The following GNG7 variants were observed in gnomAD, a reference collection of about 807,000 sequenced individuals.
GNG7 encodes G protein subunit gamma 7.
Under a neutral mutation model 4.0 loss-of-function variants are expected in GNG7, and 1 was observed. The ratio of observed to expected loss-of-function variants is 0.25; its 90% CI spans 0.09 to 1.18. GNG7 has a LOEUF of 1.18. GNG7 is among the 50% of genes most tolerant of loss of function. The probability of loss-of-function intolerance (pLI) is 0.50; values close to 1 mark genes in which losing one functional copy is unlikely to be tolerated. For synonymous variants in GNG7, 34 were observed against 36.9 expected (o/e 0.92, Z 0.29); for missense variants, 86 against 91.9 (o/e 0.94, Z 0.26).
intron 2 of GNG7, among the ~76,000 whole-genome samples, chr19:2,579,831 G>A (rs975394667): frequency 3.9e-5 from 6 of 152,194 alleles, no homozygotes; most frequent in Admixed American, 2.6e-4. Flanking sequence ...TGGGGGACTG[G>A]GAGGGGGTCT....
intron 2 of GNG7, among the ~76,000 whole-genome samples, chr19:2,577,254 C>A (rs966255927): frequency 8.5e-5 from 13 of 152,190 alleles, no homozygotes; most frequent in Admixed American, 8.5e-4. Flanking sequence ...AGGGTACCCC[C>A]AGGGCTGCAG....
Position 2,634,249 on chromosome 19 carries a change from C to T in GNG7, c.-78+11975G>A, listed in dbSNP as rs1034150685. Among the ~76,000 whole-genome samples, 2 of 152,028 alleles carry T rather than the reference C, an allele frequency of 1.3e-5. No individual in the cohort carries two copies. Among genetic ancestry groups the T allele is most frequent in the African/African-American group, 2.4e-5 (1 of 41,386 alleles). On this transcript the variant is annotated intron_variant, in intron 2 of 4. Transcript: ENST00000382159. The surrounding 1 kb of genome is among the most constrained non-coding windows in gnomAD (Gnocchi z 5.3). ...CTCAGCACTGTGGACATTTGAGGCC[C>T]GATTGTTCTCTGGGGTGGGGCCGTC... is the stretch of plus-strand genomic sequence containing the variant.
At position 2,653,924 on chromosome 19, in the gene GNG7, G is replaced by GCT. The variant is rs373142423; in HGVS notation, c.-134-7646_-134-7645dup. On this transcript the variant is annotated intron_variant, in intron 1 of 4. Transcript: ENST00000382159. The surrounding 1 kb of genome is among the most constrained non-coding windows in gnomAD (Gnocchi z 4.8). ...CATCCCCAACAGAGGCGAGGGGACA[G>GCT]CTCTCGCCTGCCTCGGCGAGCCCGG... Among the ~76,000 whole-genome samples, 211 of 152,334 alleles carry GCT rather than the reference G, an allele frequency of 1.4e-3. No individual in the cohort carries two copies. The highest frequency in any genetic ancestry group is 4.8e-3 in the African/African-American group (198 of 41,584).
At chr19:2,582,641 G>T (rs1273275145) in intron 2 of GNG7, among the ~76,000 whole-genome samples, 1 of 147,816 alleles carries the variant, frequency 6.8e-6, no homozygotes, top group African/African-American at 2.5e-5. Context: ...TGCCACCATG[G>T]CTGGCTAATT....
chr19:2,667,942 C>A (rs78068210), intron 1 of GNG7, among the ~76,000 whole-genome samples: 2 of 142,936 alleles, frequency 1.4e-5, no homozygotes, highest in Non-Finnish European at 3.1e-5. Flanking sequence ...ACAACAACAA[C>A]AAAAAAGAAA....
At chr19:2,660,400 G>A (rs929424322) in intron 1 of GNG7, among the ~76,000 whole-genome samples, 1 of 152,136 alleles carries the variant, frequency 6.6e-6, no homozygotes, top group Non-Finnish European at 1.5e-5. Context: ...CAAAACCACA[G>A]GGAAGGGAGA....
chr19:2,561,806 G>C (rs1440593263), intron 2 of GNG7, among the ~76,000 whole-genome samples: 1 of 151,944 alleles, frequency 6.6e-6, no homozygotes, highest in East Asian at 1.9e-4. Context: ...GCTTGAACCT[G>C]GGAGGCAGAG....
intron 2 of GNG7, chr19:2,610,440 T>G (rs1167173859): frequency 6.6e-6 from 1 of 152,026 alleles, no homozygotes; most frequent in Non-Finnish European, 1.5e-5. Flanking sequence ...CTCTGCCTCC[T>G]GGGTTCAAGC....
intron 3 of GNG7, among the ~76,000 whole-genome samples, chr19:2,535,557 A>C (rs1187648711): frequency 6.6e-6 from 1 of 152,036 alleles, no homozygotes; most frequent in African/African-American, 2.4e-5. Flanking sequence ...TAAATGTTCA[A>C]GAGACATTTG....
At position 2,657,399 on chromosome 19, in the gene GNG7, T is replaced by TATATATATATATATAC. The variant is rs1332253018; in HGVS notation, c.-134-11120_-134-11119insGTATATATATATATAT. 8.7e-5 allele frequency among the ~76,000 whole-genome samples: 7 copies of TATATATATATATATAC among 80,736 alleles called. 1 individual carries two copies. Among genetic ancestry groups the TATATATATATATATAC allele is most frequent in the African/African-American group, 2.5e-4 (4 of 16,134 alleles). 53.0% of individuals were successfully genotyped at this position (80,736 alleles called of 152,430 possible). ...ATATATATATATATATATATATATA[T>TATATATATATATATAC]ACACATAATAACATTTATCCTAAAA... On this transcript the variant is annotated intron_variant, in intron 1 of 4. Transcript: ENST00000382159.
intron 2 of GNG7, among the ~76,000 whole-genome samples, chr19:2,567,143 C>CAA (rs1231987195): frequency 3.1e-5 from 4 of 130,046 alleles, no homozygotes; most frequent in African/African-American, 8.2e-5. Context: ...AAAAAAAAAA[C>CAA]AAAAAAAAAA....
intron 3 of GNG7, among the ~76,000 whole-genome samples, chr19:2,521,030 T>A (rs1178366989): frequency 6.7e-6 from 1 of 150,070 alleles, no homozygotes; most frequent in Non-Finnish European, 1.5e-5. Context: ...CTGAGGCAGG[T>A]GGATCATGAG....
chr19:2,686,774 C>CA (rs1184176104), intron 1 of GNG7, among the ~76,000 whole-genome samples: 3 of 144,980 alleles, frequency 2.1e-5, no homozygotes, highest in Non-Finnish European at 3.0e-5. Flanking sequence ...TTTTTTGAGA[C>CA]AGAGTCTCGC....
At chr19:2,678,833 C>G (rs72978792) in intron 1 of GNG7, among the ~76,000 whole-genome samples, 25,751 of 151,938 alleles carry the variant, frequency 0.17, 3,165 homozygotes, top group East Asian at 0.55. Flanking sequence ...GACCTTTGCA[C>G]CAGCCAACCC....
intron 1 of GNG7, among the ~76,000 whole-genome samples, chr19:2,692,230 T>G (rs1913150301): frequency 1.3e-5 from 2 of 151,720 alleles, no homozygotes; most frequent in South Asian, 4.1e-4. Context: ...CACAGCCGTC[T>G]CTGTGCCCAG....
rs145987425 is a variant in GNG7, at chr19:2,673,189, C to T, written c.-134-26909G>A. On this transcript the variant is annotated intron_variant, in intron 1 of 4. Coordinates refer to ENST00000382159, the MANE Select transcript of GNG7 (RefSeq NM_052847.3). ...GGAGAATGGCCGTGAACCCGGGAGG[C>T]GGAGCTTGCAGCGAGCTGAGATAGC... Among the ~76,000 whole-genome samples, 450 of 148,190 alleles carry T rather than the reference C, an allele frequency of 3.0e-3. 6 individuals carry two copies. The highest frequency in any genetic ancestry group is 0.011 in the African/African-American group (437 of 40,544).
At chr19:2,655,603 C>A (rs1400935069) in intron 1 of GNG7, among the ~76,000 whole-genome samples, 1 of 151,802 alleles carries the variant, frequency 6.6e-6, no homozygotes, top group Non-Finnish European at 1.5e-5. Context: ...CTTTGGGAGG[C>A]TGAGGTGGGC....
At chr19:2,585,117 AAGGT>A (rs1250048743) in intron 2 of GNG7, among the ~76,000 whole-genome samples, 2 of 65,272 alleles carry the variant, frequency 3.1e-5, no homozygotes, top group Non-Finnish European at 5.3e-5. Flanking sequence ...GGAAGGAAAG[AAGGT>A]AGGAATGAAG....
chr19:2,643,304 C>A lies in GNG7; in HGVS notation c.-78+2920G>T, dbSNP rs1464590527. ...ACCATGTGCACCGGAAATGCAAAGT[C>A]CGAGACCTCCCCGGACTCTGCACAC... On this transcript the variant is annotated intron_variant, in intron 2 of 4. Coordinates refer to ENST00000382159, the MANE Select transcript of GNG7 (RefSeq NM_052847.3). 3 of 423,686 alleles carry A rather than the reference C, an allele frequency of 7.1e-6. 1 individual carries two copies. Among genetic ancestry groups the A allele is most frequent in the Non-Finnish European group, 1.4e-5 (3 of 214,514 alleles). The allele number at this position is 423,686 out of a possible 1,614,324, so 26.2% of individuals were successfully genotyped here.
Sources: allele counts gnomAD v4.1 joint callset (sites outside exome capture counted in the v4.1 genomes callset), GRCh38; gene constraint gnomAD v4.1.1; non-coding constraint Gnocchi (gnomAD v3.1); transcripts MANE v1.5; gene names NCBI Gene and HGNC (gene_info 2026-07-23, HGNC 2026-07-21).